The following COL4A3 variants were observed in gnomAD, a reference collection of about 807,000 sequenced individuals.
The protein encoded by COL4A3 is collagen type IV alpha 3 chain.
A neutral mutation model predicts 217.4 loss-of-function variants in COL4A3; 135 were observed. The observed-to-expected ratio is 0.62, with a 90% CI of 0.54 to 0.72. COL4A3 has a LOEUF of 0.72. COL4A3 is among the 30% of genes least tolerant of loss of function. The pLI, the probability that COL4A3 is intolerant of heterozygous loss-of-function variation, is 0.00. For missense variants in COL4A3, 1,868 were observed against 2,119.9 expected (o/e 0.88, Z 2.33); for synonymous variants, 690 against 736.3 (o/e 0.94, Z 1.02).
chr2:227,282,575 CT>C lies in COL4A3; in HGVS notation c.2656+45del. 6.3e-7 allele frequency: 1 copy of C among 1,577,168 alleles called. No homozygotes were observed. The highest frequency in any genetic ancestry group is 8.7e-7 in the Non-Finnish European group (1 of 1,147,818). ...TCTATTTTTCTTCTTATTTCTTCTT[CT>C]TCTTAAGGTGGCTCTGTCAACTGTA... On this transcript the variant is annotated intron_variant, in intron 32 of 51. Coordinates refer to ENST00000396578, the MANE Select transcript of COL4A3 (RefSeq NM_000091.5). This position sits in a 1 kb window ranked among gnomAD's most constrained non-coding sequence, Gnocchi z 4.4.
In COL4A3 at chr2:227,164,888, C is replaced by T. The variant is rs1325147124; in HGVS notation, c.87+75C>T. The T allele has an allele frequency of 5.0e-6, 7 of 1,391,788 alleles. No individual in the cohort carries two copies. Among genetic ancestry groups the T allele is most frequent in the Middle Eastern group, 2.6e-4 (1 of 3,822 alleles). The allele number at this position is 1,391,788 out of a possible 1,614,324, so 86.2% of individuals were successfully genotyped here. A position where few individuals can be genotyped will look rare whatever the true frequency, so the allele number is the denominator to read the frequency against. On this transcript the variant is annotated intron_variant, in intron 1 of 51. Coordinates refer to ENST00000396578, the MANE Select transcript of COL4A3 (RefSeq NM_000091.5). This position sits in a 1 kb window ranked among gnomAD's most constrained non-coding sequence, Gnocchi z 4.8. ...ACGCGTCCGGGGGACGCGCTGGCCC[C>T]ACCCGCAGCGGCGCGGTAGTGGAGC...
chr2:227,169,801 A>G (rs1158911467), intron 1 of COL4A3, among the ~76,000 whole-genome samples: 1 of 152,128 alleles, frequency 6.6e-6, no homozygotes, highest in African/African-American at 2.4e-5. Flanking sequence ...GCAGTGTTAT[A>G]GCTGCAAACG....
At chr2:227,309,443 C>A in intron 50 of COL4A3, 125 bp downstream of exon 50, 1 of 747,950 alleles carries the variant, frequency 1.3e-6, no homozygotes, top group Middle Eastern at 3.2e-4. Flanking sequence ...ATGCCATAGA[C>A]ATTTCCTTGA....
chr2:227,295,196 C>G (rs760649864), intron 40 of COL4A3, 73 bp from the exon 41 acceptor site: 11 of 1,548,442 alleles, frequency 7.1e-6, no homozygotes, highest in Non-Finnish European at 9.8e-6. Context: ...TCGGTGTGTA[C>G]TAAACTTTTC....
intron 1 of COL4A3, among the ~76,000 whole-genome samples, chr2:227,212,161 GT>G (rs398105403): frequency 0.078 from 11,569 of 148,538 alleles, 637 homozygotes; most frequent in African/African-American, 0.16. Context: ...TGTTTTTTTT[GT>G]TTTTTTTTGT....
In COL4A3 at chr2:227,312,638, AATG is replaced by A; in HGVS notation, c.*771_*773del. ...TTCCCCCTTAGTGAATTAGTTTTAA[AATG>A]ATATTGTTATATACATACTATGAAA... On this transcript the variant is annotated 3_prime_UTR_variant, in exon 52 of 52. Coordinates refer to ENST00000396578, the MANE Select transcript of COL4A3 (RefSeq NM_000091.5). The A allele has an allele frequency of 6.5e-6, 1 of 152,762 alleles. No homozygotes were observed. Among genetic ancestry groups the A allele is most frequent in the Admixed American group, 6.5e-5 (1 of 15,294 alleles). The allele number at this position is 152,762 out of a possible 1,614,324, so 9.5% of individuals were successfully genotyped here.
At chr2:227,308,375 G>T (rs983438944) in intron 48 of COL4A3, among the ~76,000 whole-genome samples, 1 of 152,052 alleles carries the variant, frequency 6.6e-6, no homozygotes, top group African/African-American at 2.4e-5. Context: ...ACTATACCAA[G>T]CTAATTTTTT....
At chr2:227,237,563 CT>C (rs1204335011) in intron 1 of COL4A3, among the ~76,000 whole-genome samples, 5 of 152,092 alleles carry the variant, frequency 3.3e-5, no homozygotes, top group African/African-American at 1.2e-4. Context: ...TATTTGACCA[CT>C]TTTTAACTAT....
intron 1 of COL4A3, among the ~76,000 whole-genome samples, chr2:227,190,103 C>T (rs1260353648): frequency 6.6e-6 from 1 of 152,218 alleles, no homozygotes; most frequent in Non-Finnish European, 1.5e-5. Context: ...ACATCCCCTG[C>T]ATTCAGCACA....
chr2:227,191,113 T>C lies in COL4A3; in HGVS notation c.87+26300T>C, dbSNP rs2066223419. 1.3e-5 allele frequency among the ~76,000 whole-genome samples: 2 copies of C among 152,188 alleles called. No homozygotes were observed. Among genetic ancestry groups the C allele is most frequent in the Non-Finnish European group, 2.9e-5 (2 of 68,034 alleles). On this transcript the variant is annotated intron_variant, in intron 1 of 51. Transcript: ENST00000396578. The surrounding 1 kb of genome is among the most constrained non-coding windows in gnomAD (Gnocchi z 6.8). ...AAATAGACTACATAAATAATACGTA[T>C]ATGGCCATGGAAACAATTTTTGACA...
chr2:227,184,817 C>A (rs150281429), intron 1 of COL4A3, among the ~76,000 whole-genome samples: 1 of 139,386 alleles, frequency 7.2e-6, no homozygotes. Flanking sequence ...TTTCATTATG[C>A]GCATTTTAGA....
intron 1 of COL4A3, among the ~76,000 whole-genome samples, chr2:227,176,920 C>T (rs76787975): frequency 0.054 from 8,168 of 152,152 alleles, 285 homozygotes; most frequent in Admixed American, 0.086. Flanking sequence ...AGCTAAAGAA[C>T]TTGCATGCTG....
At chr2:227,242,284 A>T (rs2069072067) in intron 3 of COL4A3, among the ~76,000 whole-genome samples, 1 of 152,214 alleles carries the variant, frequency 6.6e-6, no homozygotes, top group Admixed American at 6.5e-5. Context: ...TCAGTTTATT[A>T]TAAGGGATAT....
chr2:227,203,908 G>A (rs1336656558), intron 1 of COL4A3, among the ~76,000 whole-genome samples: 1 of 151,778 alleles, frequency 6.6e-6, no homozygotes, highest in African/African-American at 2.4e-5. Context: ...AGCCTCTTAA[G>A]CATGAGAATT....
intron 37 of COL4A3, among the ~76,000 whole-genome samples, chr2:227,292,719 C>A (rs893459752): frequency 7.2e-5 from 11 of 152,196 alleles, no homozygotes; most frequent in African/African-American, 2.7e-4. Flanking sequence ...TAGTCTATTT[C>A]TTTCTTACTC....
rs1248329992 is a variant in COL4A3, at chr2:227,253,538, C to A, written c.688-23C>A. The A allele has an allele frequency of 5.6e-6, 9 of 1,596,996 alleles. No homozygotes were observed. Among genetic ancestry groups the A allele is most frequent in the Non-Finnish European group, 6.9e-6 (8 of 1,164,356 alleles). On this transcript the variant is annotated intron_variant, in intron 12 of 51. Transcript: ENST00000396578. The surrounding 1 kb of genome is among the most constrained non-coding windows in gnomAD (Gnocchi z 4.4). ...GTTGATGCTGTTGTTTATTTTCTCA[C>A]TCCTGAGTGTTTTTGTCTTTAGGGT...
At chr2:227,293,437 A>C in intron 38 of COL4A3, 120 bp downstream of exon 38, 2 of 1,146,386 alleles carry the variant, frequency 1.7e-6, no homozygotes. Flanking sequence ...CTTTTATTCA[A>C]CTTTGAACTT....
chr2:227,284,396 A>G (rs373030534), intron 34 of COL4A3, 51 bp downstream of exon 34: 38 of 1,578,548 alleles, frequency 2.4e-5, no homozygotes, highest in Non-Finnish European at 2.8e-5. Context: ...TTCTCAGGCT[A>G]ATAAATTATC....
rs2066224317 is a variant in COL4A3 at position 227,191,129 on chromosome 2, A to G, written c.87+26316A>G. 6.6e-6 allele frequency among the ~76,000 whole-genome samples: 1 copy of G among 152,156 alleles called. No homozygotes were observed. Among genetic ancestry groups the G allele is most frequent in the Non-Finnish European group, 1.5e-5 (1 of 68,020 alleles). On this transcript the variant is annotated intron_variant, in intron 1 of 51. Coordinates refer to ENST00000396578, the MANE Select transcript of COL4A3 (RefSeq NM_000091.5). This position sits in a 1 kb window ranked among gnomAD's most constrained non-coding sequence, Gnocchi z 6.8. ...TAATACGTATATGGCCATGGAAACA[A>G]TTTTTGACATTTAAATTTTCTCAAC...
Sources: allele counts gnomAD v4.1 joint callset (sites outside exome capture counted in the v4.1 genomes callset), GRCh38; gene constraint gnomAD v4.1.1; non-coding constraint Gnocchi (gnomAD v3.1); transcripts MANE v1.5; gene names NCBI Gene and HGNC (gene_info 2026-07-23, HGNC 2026-07-21).